CRPPA: variants seen among roughly 807,000 people sequenced by gnomAD.
The protein encoded by CRPPA is CDP-L-ribitol pyrophosphorylase A, also known as D-ribitol-5-phosphate cytidylyltransferase.
Under a neutral mutation model 52.0 loss-of-function variants are expected in CRPPA, and 43 were observed. The observed-to-expected ratio is 0.83, with a 90% confidence interval of 0.65 to 1.07. CRPPA has a LOEUF of 1.07. Ranked by LOEUF, CRPPA falls within the 50% of genes least tolerant of loss-of-function variation. The pLI, the probability that CRPPA is intolerant of heterozygous loss-of-function variation, is 0.00. For missense variants in CRPPA, 629 were observed against 551.7 expected (o/e 1.14, Z -1.40); for synonymous variants, 250 against 203.5 (o/e 1.23, Z -1.94).
chr7:16,199,181 G>A (rs952629599), intron 9 of CRPPA, among the ~76,000 whole-genome samples: 3 of 151,986 alleles, frequency 2.0e-5, no homozygotes, highest in Admixed American at 6.6e-5. Context: ...CTCAACTCTG[G>A]TTGTACATTA....
At chr7:16,123,929 C>T (rs988338153) in intron 9 of CRPPA, among the ~76,000 whole-genome samples, 3 of 152,110 alleles carry the variant, frequency 2.0e-5, no homozygotes, top group Non-Finnish European at 4.4e-5. Context: ...AAAACCCACT[C>T]AGACATCCAT....
chr7:16,289,507 G>A (rs1045659249), intron 5 of CRPPA, among the ~76,000 whole-genome samples: 2 of 152,092 alleles, frequency 1.3e-5, no homozygotes, highest in African/African-American at 4.8e-5. Context: ...TTTTCCCAGG[G>A]ATGCAAGATG....
At chr7:16,333,723 T>C (rs1329466254) in intron 3 of CRPPA, among the ~76,000 whole-genome samples, 1 of 152,188 alleles carries the variant, frequency 6.6e-6, no homozygotes, top group Non-Finnish European at 1.5e-5. Flanking sequence ...GCAAGATGGC[T>C]GATTAGAATT....
intron 2 of CRPPA, among the ~76,000 whole-genome samples, chr7:16,379,950 C>A (rs1241093848): frequency 6.6e-6 from 1 of 152,160 alleles, no homozygotes; most frequent in Non-Finnish European, 1.5e-5. Flanking sequence ...GACAATTTGA[C>A]TTCCTCTTTT....
intron 9 of CRPPA, among the ~76,000 whole-genome samples, chr7:16,180,439 A>G (rs1781388567): frequency 6.6e-6 from 1 of 152,158 alleles, no homozygotes; most frequent in African/African-American, 2.4e-5. Context: ...AATATATTAT[A>G]TGAGTGTATT....
At chr7:16,357,186 T>TATTC (rs1277623724) in intron 3 of CRPPA, among the ~76,000 whole-genome samples, 1 of 126,110 alleles carries the variant, frequency 7.9e-6, no homozygotes, top group Non-Finnish European at 1.8e-5. Flanking sequence ...TTTATTTATT[T>TATTC]ATTTATTTTT....
At chr7:16,382,724 G>C (rs199609323) in intron 2 of CRPPA, among the ~76,000 whole-genome samples, 14 of 151,376 alleles carry the variant, frequency 9.2e-5, no homozygotes, top group South Asian at 6.3e-4. Context: ...CTTCCCTTCT[G>C]GCTTCATTTC....
intron 9 of CRPPA, among the ~76,000 whole-genome samples, chr7:16,194,371 T>G (rs1408108384): frequency 6.6e-6 from 1 of 152,120 alleles, no homozygotes; most frequent in Non-Finnish European, 1.5e-5. Flanking sequence ...CACACACAGA[T>G]ACTTTTGTTA....
chr7:16,236,890 A>G (rs2128404808), intron 8 of CRPPA, among the ~76,000 whole-genome samples: 2 of 152,218 alleles, frequency 1.3e-5, no homozygotes, highest in Admixed American at 1.3e-4. Flanking sequence ...CAATATTAAG[A>G]AAGTCACAAA....
chr7:16,156,796 G>C (rs1344406602), intron 9 of CRPPA, among the ~76,000 whole-genome samples: 2 of 152,142 alleles, frequency 1.3e-5, no homozygotes, highest in African/African-American at 4.8e-5. Context: ...TCTGCTGAAA[G>C]CTGTGGATGT....
At chr7:16,130,932 C>G (rs922107023) in intron 9 of CRPPA, among the ~76,000 whole-genome samples, 77 of 152,290 alleles carry the variant, frequency 5.1e-4, no homozygotes, top group Admixed American at 4.9e-3. Flanking sequence ...CCAGCAAGTT[C>G]CCACACCCTT....
intron 9 of CRPPA, chr7:16,209,074 T>C (rs1396008185): frequency 2.3e-5 from 9 of 391,198 alleles, no homozygotes; most frequent in Non-Finnish European, 2.5e-5. Context: ...TTATGACAGA[T>C]AGCAGGGTGG....
At chr7:16,319,545 G>A (rs1785213420) in intron 3 of CRPPA, among the ~76,000 whole-genome samples, 1 of 152,118 alleles carries the variant, frequency 6.6e-6, no homozygotes, top group East Asian at 1.9e-4. Flanking sequence ...TCTGTAGAGT[G>A]ATTGGGTTAA....
At chr7:16,217,110 C>T (rs1234141819) in intron 8 of CRPPA, among the ~76,000 whole-genome samples, 2 of 149,750 alleles carry the variant, frequency 1.3e-5, no homozygotes, top group East Asian at 2.0e-4. Flanking sequence ...GGGCAGACTG[C>T]CTCCTCAAGT....
At chr7:16,372,928 T>C (rs914328805) in intron 3 of CRPPA, among the ~76,000 whole-genome samples, 2 of 152,214 alleles carry the variant, frequency 1.3e-5, no homozygotes, top group Non-Finnish European at 2.9e-5. Context: ...TGATAGATGC[T>C]GCTACTTTAA....
Position 16,308,516 on chromosome 7 carries a change from C to T in CRPPA, c.789+7G>A. ...AAAGAACCCAAGCAAGGTATCATCC[C>T]TCTTACCTTCCAGAGGTCAGGTGAT... On this transcript the variant is annotated splice_region_variant and intron_variant, in intron 4 of 9. Transcript: ENST00000407010. The T allele has an allele frequency of 2.0e-6, 3 of 1,515,122 alleles. No individual in the cohort carries two copies. Among genetic ancestry groups the T allele is most frequent in the Non-Finnish European group, 2.7e-6 (3 of 1,094,236 alleles). The allele number at this position is 1,515,122 out of a possible 1,614,324, so 93.9% of individuals were successfully genotyped here.
At chr7:16,173,928 T>C (rs991524470) in intron 9 of CRPPA, among the ~76,000 whole-genome samples, 3 of 152,188 alleles carry the variant, frequency 2.0e-5, no homozygotes, top group Admixed American at 2.0e-4. Context: ...ATAAGTAGCT[T>C]ACTATATTGA....
At chr7:16,204,962 G>A (rs1206172567) in intron 9 of CRPPA, among the ~76,000 whole-genome samples, 1 of 152,084 alleles carries the variant, frequency 6.6e-6, no homozygotes, top group East Asian at 1.9e-4. Flanking sequence ...AAGACCTAGA[G>A]GAGATATCTC....
chr7:16,325,891 G>A (rs957571957), intron 3 of CRPPA, among the ~76,000 whole-genome samples: 4 of 152,022 alleles, frequency 2.6e-5, no homozygotes, highest in African/African-American at 9.7e-5. Context: ...CTTTAGAATA[G>A]CATCTTGGTT....
Sources: gnomAD v4.1 joint callset for allele counts (sites outside exome capture counted in the v4.1 genomes callset) on GRCh38, gnomAD v4.1.1 for gene constraint, MANE v1.5 for transcripts, NCBI Gene and HGNC (gene_info 2026-07-23, HGNC 2026-07-21) for gene names.